Variants in DCLK3 observed in about 807,000 individuals in gnomAD.
The protein encoded by DCLK3 is serine/threonine-protein kinase DCLK3.
A neutral mutation model predicts 46.4 loss-of-function variants in DCLK3; 30 were observed. The observed-to-expected ratio is 0.65, with a 90% CI of 0.48 to 0.88. The LOEUF is 0.88. Ranked by LOEUF, DCLK3 falls within the 40% of genes least tolerant of loss-of-function variation. The probability of loss-of-function intolerance (pLI) is 0.00; values close to 1 mark genes in which losing one functional copy is unlikely to be tolerated. For synonymous variants in DCLK3, 401 were observed against 339.2 expected, an observed-to-expected ratio of 1.18 and a Z score of -2.00; for missense variants, 846 against 907.1, an observed-to-expected ratio of 0.93 and a Z score of 0.87.
intron 1 of DCLK3, among the ~76,000 whole-genome samples, chr3:36,750,741 G>T (rs919193647): frequency 1.3e-5 from 2 of 152,148 alleles, no homozygotes; most frequent in African/African-American, 2.4e-5. Context: ...TAAGTAACTA[G>T]CCCAAGGCCA....
chr3:36,740,170 T>C (rs1320671401), intron 1 of DCLK3, among the ~76,000 whole-genome samples: 2 of 139,276 alleles, frequency 1.4e-5, no homozygotes, highest in Non-Finnish European at 3.1e-5. Flanking sequence ...ATGCTACACC[T>C]CCCTCCCAGG....
Position 36,715,422 on chromosome 3 carries a change from T to G in DCLK3, c.2360A>C (p.Lys787Thr). The G allele has an allele frequency of 6.2e-7, 1 of 1,613,780 alleles. No homozygotes were observed. ...CTTCTGTCGTTTCACTGTATTGGTC[T>G]TGCCAGCTGTTTCGATCCAGGGGTG... ...LQHPWIETAG[K>T]TNTVKRQKQV... The change falls in exon 5 of 5, where the codon AAG becomes ACG. Residue 787 changes from lysine to threonine, a missense_variant. Coordinates refer to ENST00000636136, the MANE Select transcript of DCLK3 (RefSeq NM_001394672.2).
Position 36,721,670 on chromosome 3 carries a change from C to T in DCLK3, c.1960-11G>A. ...CTCATTTCGCTGAACCTGTAAGAAA[C>T]CAAAATCCCCAAACCACCAAAATTG... On this transcript the variant is annotated splice_polypyrimidine_tract_variant and intron_variant, in intron 2 of 4. Coordinates refer to ENST00000636136, the MANE Select transcript of DCLK3 (RefSeq NM_001394672.2). The T allele has an allele frequency of 1.2e-6, 2 of 1,613,856 alleles. No homozygotes were observed. The highest frequency in any genetic ancestry group is 1.7e-6 in the Non-Finnish European group (2 of 1,179,930).
intron 1 of DCLK3, among the ~76,000 whole-genome samples, chr3:36,762,906 T>C (rs892291849): frequency 2.6e-5 from 4 of 152,214 alleles, no homozygotes; most frequent in African/African-American, 9.6e-5. Flanking sequence ...AATGCTTTTC[T>C]AAAGTTGGGC....
In DCLK3 at chr3:36,738,365, T is replaced by TC; in HGVS notation, c.801dup (p.Lys268GlufsTer8). 2 of 1,495,722 alleles carry TC rather than the reference T, an allele frequency of 1.3e-6. No homozygotes were observed. The highest frequency in any genetic ancestry group is 2.4e-5 in the Admixed American group (1 of 41,062). The allele number at this position is 1,495,722 out of a possible 1,614,324, so 92.7% of individuals were successfully genotyped here. A position where few individuals can be genotyped will look rare whatever the true frequency, so the allele number is the denominator to read the frequency against. ...TTGCTACTGGGTTCTGGCTCCCATT[T>TC]CCCCCTCCCCCACTTCTTCTGGGTC... is the stretch of plus-strand genomic sequence containing the variant. On this transcript the variant is annotated frameshift_variant, in exon 2 of 5. Transcript: ENST00000636136. LOFTEE classifies it high-confidence loss of function.
intron 1 of DCLK3, among the ~76,000 whole-genome samples, chr3:36,759,126 T>C (rs1400652274): frequency 6.6e-6 from 1 of 152,240 alleles, no homozygotes; most frequent in Admixed American, 6.5e-5. Flanking sequence ...ACTAGGAATC[T>C]ACAAGAATTT....
At chr3:36,715,814 G>T (rs1158224814) in intron 4 of DCLK3, among the ~76,000 whole-genome samples, 1 of 152,228 alleles carries the variant, frequency 6.6e-6, no homozygotes, top group Non-Finnish European at 1.5e-5. Context: ...ACGTGTGGCA[G>T]CAGGGAGGGG....
chr3:36,720,385 C>T (rs2125521198), intron 3 of DCLK3, among the ~76,000 whole-genome samples: 1 of 152,252 alleles, frequency 6.6e-6, no homozygotes, highest in Admixed American at 6.5e-5. Flanking sequence ...TTCGTTATTT[C>T]TATAGCAACA....
intron 1 of DCLK3, among the ~76,000 whole-genome samples, chr3:36,746,407 A>G (rs899777871): frequency 6.6e-6 from 1 of 152,204 alleles, no homozygotes; most frequent in Non-Finnish European, 1.5e-5. Flanking sequence ...GTTGTTTACA[A>G]GAGTGTTTTT....
chr3:36,739,917 G>A (rs1701326499), intron 1 of DCLK3: 1 of 152,108 alleles, frequency 6.6e-6, no homozygotes, highest in Non-Finnish European at 1.5e-5. Context: ...ACACCAACAA[G>A]AGGCAGGAAC....
chr3:36,726,313 G>A (rs1450725598), intron 2 of DCLK3, among the ~76,000 whole-genome samples: 1 of 151,940 alleles, frequency 6.6e-6, no homozygotes, highest in Non-Finnish European at 1.5e-5. Context: ...CAGACCAAAG[G>A]TGAACTAAGC....
At position 36,738,581 on chromosome 3, in the gene DCLK3, T is replaced by C. The variant is rs1701303469; in HGVS notation, c.586A>G (p.Thr196Ala). The C allele has an allele frequency of 7.0e-7, 1 of 1,423,814 alleles. No individual in the cohort carries two copies. The highest frequency in any genetic ancestry group is 9.2e-7 in the Non-Finnish European group (1 of 1,086,716). 88.2% of individuals were successfully genotyped at this position (1,423,814 alleles called of 1,614,324 possible). A position where few individuals can be genotyped will look rare whatever the true frequency, so the allele number is the denominator to read the frequency against. Reference sequence around the variant, plus strand: ...GGGGCACGGCTGTGCTGGGCCAGTGTCAGGGCCCGGGCTTTGTTGGGGTAC... The same window carrying C: ...GGGGCACGGCTGTGCTGGGCCAGTGCCAGGGCCCGGGCTTTGTTGGGGTAC... ...ELYPNKARAL[T>A]LAQHSRAPSP... is the part of the protein sequence containing the mutation. The change falls in exon 2 of 5, where the codon ACA becomes GCA. Residue 196 changes from threonine (T) to alanine (A), a missense_variant. Thr to Ala is a moderately conservative substitution (Grantham distance 58). Coordinates refer to ENST00000636136, the MANE Select transcript of DCLK3 (RefSeq NM_001394672.2).
At position 36,726,557 on chromosome 3, in the gene DCLK3, G is replaced by A. The variant is rs1701127782; in HGVS notation, c.1960-4898C>T. ...CTCCCTGGGACCCATCACAGCCATG[G>A]GCAACACCTAGAATGGCAGGGTGGA... On this transcript the variant is annotated intron_variant, in intron 2 of 4. Transcript: ENST00000636136. Among the ~76,000 whole-genome samples the A allele has an allele frequency of 1.3e-5, 2 of 152,034 alleles. 1 individual carries two copies.
chr3:36,715,062 C>T lies in DCLK3; in HGVS notation c.*266G>A, dbSNP rs759518365. On this transcript the variant is annotated 3_prime_UTR_variant, in exon 5 of 5. Transcript: ENST00000636136. ...TTGGTTACAAAGGGGAAGCAAAACACATCATTATTACCAAAATTCCTCACT... is the reference window on the plus strand; with the variant it reads ...TTGGTTACAAAGGGGAAGCAAAACATATCATTATTACCAAAATTCCTCACT... The T allele has an allele frequency of 9.4e-5, 39 of 416,842 alleles. No individual in the cohort carries two copies. The highest frequency in any genetic ancestry group is 1.5e-4 in the Non-Finnish European group (35 of 234,676). The allele number at this position is 416,842 out of a possible 1,614,324, so 25.8% of individuals were successfully genotyped here.
intron 2 of DCLK3, among the ~76,000 whole-genome samples, chr3:36,724,042 C>T (rs979298744): frequency 1.3e-5 from 2 of 152,186 alleles, no homozygotes; most frequent in Non-Finnish European, 1.5e-5. Flanking sequence ...ACCACAGGAG[C>T]GGAGCTGCCC....
intron 1 of DCLK3, among the ~76,000 whole-genome samples, chr3:36,746,938 G>A (rs1701398587): frequency 6.6e-6 from 1 of 152,230 alleles, no homozygotes; most frequent in Non-Finnish European, 1.5e-5. Flanking sequence ...TGCTGATGCT[G>A]TTGGGCCCTG....
Position 36,760,532 on chromosome 3 carries a change from C to T in DCLK3, c.82+3650G>A, listed in dbSNP as rs145711562. On this transcript the variant is annotated intron_variant, in intron 1 of 4. Coordinates refer to ENST00000636136, the MANE Select transcript of DCLK3 (RefSeq NM_001394672.2). ...AGGAGATATACCTAATGTTAAATAA[C>T]GAGTTAATGGGTGCAGCACACCAAC... 5.4e-3 allele frequency among the ~76,000 whole-genome samples: 814 copies of T among 151,868 alleles called. 2 individuals are homozygous for T. The highest frequency in any genetic ancestry group is 0.018 in the African/African-American group (753 of 41,382).
chr3:36,739,224 C>T (rs1008453198), intron 1 of DCLK3, 140 bp from the exon 2 acceptor site: 2 of 394,872 alleles, frequency 5.1e-6, no homozygotes, highest in Non-Finnish European at 8.9e-6. Context: ...TTAGAAATGA[C>T]AGAGCCTTTA....
chr3:36,733,074 A>G (rs779944546), intron 2 of DCLK3, among the ~76,000 whole-genome samples: 4 of 152,146 alleles, frequency 2.6e-5, no homozygotes, highest in Non-Finnish European at 4.4e-5. Flanking sequence ...ACCAGTAAAT[A>G]TACAGACAAG....
Sources: gnomAD v4.1 joint callset for allele counts (sites outside exome capture counted in the v4.1 genomes callset) on GRCh38, gnomAD v4.1.1 for gene constraint, MANE v1.5 for transcripts, NCBI Gene and HGNC (gene_info 2026-07-23, HGNC 2026-07-21) for gene names.